The following HDGFL3 variants were observed in gnomAD, a reference collection of about 807,000 sequenced individuals.
The protein encoded by HDGFL3 is HDGF like 3.
A neutral mutation model predicts 27.6 loss-of-function variants in HDGFL3; 6 were observed. The ratio of observed to expected loss-of-function variants is 0.22; its 90% CI spans 0.12 to 0.43. The LOEUF (loss-of-function observed/expected upper bound fraction) is 0.43. Among genes scored for constraint, HDGFL3 ranks in the 20% least tolerant of loss-of-function variants. The pLI is 1.00. For missense variants in HDGFL3, 207 were observed against 250.1 expected (o/e 0.83, Z 1.16); for synonymous variants, 88 against 88.9 (o/e 0.99, Z 0.05).
chr15:83,201,249 G>T (rs936859266), intron 1 of HDGFL3, among the ~76,000 whole-genome samples: 1 of 151,612 alleles, frequency 6.6e-6, no homozygotes, highest in Non-Finnish European at 1.5e-5. Context: ...AATAAATTAT[G>T]AGAAAAATAA....
Position 83,136,724 on chromosome 15 carries a change from G to T in HDGFL3, c.*2546C>A. On this transcript the variant is annotated 3_prime_UTR_variant, in exon 6 of 6. Transcript: ENST00000299633. ...TAAATTACTAACTTTTGTTATACTG[G>T]TACTGATATTTTGTCCCATTTCACT... 1.4e-6 allele frequency: 2 copies of T among 1,465,206 alleles called. No individual in the cohort carries two copies. The highest frequency in any genetic ancestry group is 4.5e-5 in the East Asian group (2 of 44,072). The allele number at this position is 1,465,206 out of a possible 1,614,324, so 90.8% of individuals were successfully genotyped here. A position where few individuals can be genotyped will look rare whatever the true frequency, so the allele number is the denominator to read the frequency against.
chr15:83,112,827 C>T, exon 4 of HDGFL3: 2 of 1,614,156 alleles, frequency 1.2e-6, no homozygotes, highest in Non-Finnish European at 1.7e-6. Flanking sequence ...TTGCTGCCCT[C>T]ATCCTGTTCC....
At chr15:83,173,125 G>A (rs2037266880) in intron 1 of HDGFL3, among the ~76,000 whole-genome samples, 1 of 152,052 alleles carries the variant, frequency 6.6e-6, no homozygotes, top group South Asian at 2.1e-4. Flanking sequence ...CTTTTCTCTT[G>A]GTTTCCACAG....
rs866413150 is a variant in HDGFL3 at position 83,143,496 on chromosome 15, C to T, written c.607-4221G>A. 7.3e-5 allele frequency among the ~76,000 whole-genome samples: 11 copies of T among 151,684 alleles called. No individual in the cohort carries two copies. In the East Asian group the frequency reaches 2.1e-3, roughly 30 times the overall value. On this transcript the variant is annotated intron_variant, in intron 5 of 5. Coordinates refer to ENST00000299633, the MANE Select transcript of HDGFL3 (RefSeq NM_016073.4). The stretch of plus-strand genomic sequence containing the variant: ...ACTCAGGAGGCTGAGGCAGGAGGAT[C>T]GCTTGAACCCAGGAGGCGGAGGTTG...
At chr15:83,187,824 T>C (rs1033057549) in intron 1 of HDGFL3, among the ~76,000 whole-genome samples, 2 of 150,518 alleles carry the variant, frequency 1.3e-5, no homozygotes, top group African/African-American at 2.5e-5. Context: ...GAGGCTGAGG[T>C]TGCAGTGAGC....
chr15:83,160,179 G>A (rs981865185), intron 2 of HDGFL3, among the ~76,000 whole-genome samples: 2 of 151,932 alleles, frequency 1.3e-5, no homozygotes, highest in Non-Finnish European at 2.9e-5. Flanking sequence ...AGGAGTTGAG[G>A]ATATCTCTAA....
chr15:83,191,088 GTT>G (rs2151420002), intron 1 of HDGFL3, among the ~76,000 whole-genome samples: 1 of 152,174 alleles, frequency 6.6e-6, no homozygotes, highest in African/African-American at 2.4e-5. Flanking sequence ...CTGTGGGCCG[GTT>G]TCTGTATTCA....
chr15:83,187,324 G>A (rs1024020898), intron 1 of HDGFL3, among the ~76,000 whole-genome samples: 12 of 148,172 alleles, frequency 8.1e-5, no homozygotes, highest in South Asian at 2.1e-4. Flanking sequence ...AATGTTACAC[G>A]GGCAGAGTTT....
At chr15:83,124,960 T>C (rs1248647677), downstream of HDGFL3, among the ~76,000 whole-genome samples, 1 of 152,224 alleles carries the variant, frequency 6.6e-6, no homozygotes, top group Non-Finnish European at 1.5e-5. Flanking sequence ...AGCCTCCTGC[T>C]GTCACCTCCT....
chr15:83,115,034 C>T (rs1201487107), exon 4 of HDGFL3: 1 of 152,472 alleles, frequency 6.6e-6, no homozygotes, highest in Non-Finnish European at 1.5e-5. Context: ...CTAGGATACG[C>T]CATGTGGAAT....
intron 5 of HDGFL3, among the ~76,000 whole-genome samples, chr15:83,142,241 G>A (rs1057429589): frequency 1.3e-5 from 2 of 152,074 alleles, no homozygotes; most frequent in Admixed American, 6.6e-5. Flanking sequence ...TGCAGCACTC[G>A]CTATATACAA....
At position 83,130,978 on chromosome 15, in the gene HDGFL3, C is replaced by T. The variant is rs1326502242; in HGVS notation, c.*8292G>A. 1 of 152,166 alleles carries T rather than the reference C, an allele frequency of 6.6e-6. No homozygotes were observed. Among genetic ancestry groups the T allele is most frequent in the Non-Finnish European group, 1.5e-5 (1 of 68,136 alleles). The allele number at this position is 152,166 out of a possible 1,614,324, so 9.4% of individuals were successfully genotyped here. ...TGATGGCATATGCCTGCAGTCCCAG[C>T]TACTAGGAAGGCTGAGGTGGGAGGA... On this transcript the variant is annotated 3_prime_UTR_variant, in exon 6 of 6. Transcript: ENST00000299633.
At position 83,136,717 on chromosome 15, in the gene HDGFL3, T is replaced by C. The variant is rs375291118; in HGVS notation, c.*2553A>G. On this transcript the variant is annotated 3_prime_UTR_variant, in exon 6 of 6. Coordinates refer to ENST00000299633, the MANE Select transcript of HDGFL3 (RefSeq NM_016073.4). Reference sequence around the variant, plus strand: ...TCCTTTCTAAATTACTAACTTTTGTTATACTGGTACTGATATTTTGTCCCA... The same window carrying C: ...TCCTTTCTAAATTACTAACTTTTGTCATACTGGTACTGATATTTTGTCCCA... The C allele has an allele frequency of 1.9e-5, 28 of 1,500,596 alleles. No individual in the cohort carries two copies. Among genetic ancestry groups the C allele is most frequent in the Non-Finnish European group, 2.4e-5 (26 of 1,103,574 alleles). 93.0% of individuals were successfully genotyped at this position (1,500,596 alleles called of 1,614,324 possible).
intron 1 of HDGFL3, among the ~76,000 whole-genome samples, chr15:83,164,367 C>CAAAAAAAAAAAAAAAAAAAAAAAAA (rs869303457): frequency 1.6e-4 from 6 of 38,392 alleles, no homozygotes; most frequent in Non-Finnish European, 2.4e-4. Context: ...TTAGAGTAAC[C>CAAAAAAAAAAAAAAAAAAAAAAAAA]AAAAAAAAAA....
intron 5 of HDGFL3, among the ~76,000 whole-genome samples, chr15:83,140,401 T>C (rs962706827): frequency 6.6e-6 from 1 of 151,966 alleles, no homozygotes; most frequent in Non-Finnish European, 1.5e-5. Flanking sequence ...TACTCACAGA[T>C]ACTTTGGAGG....
intron 1 of HDGFL3, among the ~76,000 whole-genome samples, chr15:83,199,528 C>T (rs1408205892): frequency 6.6e-6 from 1 of 152,100 alleles, no homozygotes. Flanking sequence ...TTTCCAGTCC[C>T]CATACAGGCA....
At chr15:83,190,550 T>A (rs756129593) in intron 1 of HDGFL3, among the ~76,000 whole-genome samples, 1 of 152,148 alleles carries the variant, frequency 6.6e-6, no homozygotes, top group Non-Finnish European at 1.5e-5. Context: ...AGGCAGAGCA[T>A]CTTTTCATAT....
intron 1 of HDGFL3, among the ~76,000 whole-genome samples, chr15:83,182,735 G>A (rs1305651229): frequency 2.6e-5 from 4 of 152,128 alleles, no homozygotes; most frequent in Non-Finnish European, 5.9e-5. Flanking sequence ...TGCATTCACT[G>A]TATGTAAATT....
chr15:83,165,195 C>T (rs753215340), intron 1 of HDGFL3, among the ~76,000 whole-genome samples: 5 of 152,176 alleles, frequency 3.3e-5, no homozygotes, highest in Admixed American at 6.5e-5. Flanking sequence ...CTGAAATTTA[C>T]GTTTCATTAG....
Sources: gnomAD v4.1 joint callset for allele counts (sites outside exome capture counted in the v4.1 genomes callset) on GRCh38, gnomAD v4.1.1 for gene constraint, MANE v1.5 for transcripts, NCBI Gene and HGNC (gene_info 2026-07-23, HGNC 2026-07-21) for gene names.